The following TTN variants were observed in gnomAD, a reference collection of about 807,000 sequenced individuals.
TTN encodes the protein titin, also known as connectin.
Under a neutral mutation model 3,223.0 loss-of-function variants are expected in TTN, and 1,525 were observed. The ratio of observed to expected loss-of-function variants is 0.47; its 90% confidence interval spans 0.45 to 0.49. The LOEUF (loss-of-function observed/expected upper bound fraction) is 0.49, where lower values mean the gene tolerates loss of function less well. Among genes scored for constraint, TTN ranks in the 20% least tolerant of loss-of-function variants. The pLI is 0.00. For synonymous variants in TTN, 14,094 were observed against 15,161.0 expected (o/e 0.93, Z 5.17); for missense variants, 40,786 against 43,424.0 (o/e 0.94, Z 5.40).
chr2:178,777,128 C>G (rs772831376), intron 27 of TTN, 21 bp downstream of exon 27: 2 of 1,613,958 alleles, frequency 1.2e-6, no homozygotes. Context: ...ATGAGCTTAG[C>G]TTTATTATTT....
intron 86 of TTN, 34 bp downstream of exon 86, chr2:178,717,909 T>C: frequency 6.3e-7 from 1 of 1,583,196 alleles, no homozygotes; most frequent in Non-Finnish European, 8.6e-7. Context: ...AAAATGAATC[T>C]GTTCACACAC....
At position 178,718,512 on chromosome 2, in the gene TTN, A is replaced by T. The variant is rs2154299570; in HGVS notation, c.24594T>A (p.Pro8198=). 6.2e-7 allele frequency: 1 copy of T among 1,613,670 alleles called. No homozygotes were observed. Residue 8198 remains proline, a synonymous_variant, in exon 85 of 363, where the codon CCT becomes CCA. Transcript: ENST00000589042. ...CCTTTATCCAGCTCACTGAGATTGG[A>T]GGTGTGCCAGTGTATGTGGCCTCGA... ...IVLEATYTGT[P]PISVSWIKDE... is the part of the protein sequence containing the mutation.
rs764786030 is a variant in TTN, at chr2:178,547,322, G to T, written c.94220-17C>A. 10 of 1,586,154 alleles carry T rather than the reference G, an allele frequency of 6.3e-6. No homozygotes were observed. The highest frequency in any genetic ancestry group is 8.6e-6 in the Non-Finnish European group (10 of 1,167,736). ...TTGGTGGGACTAAATATAAACAAAG[G>T]TATTAAGTATGAATACAATTTTATA... is the stretch of plus-strand genomic sequence containing the variant. On this transcript the variant is annotated splice_polypyrimidine_tract_variant and intron_variant, in intron 339 of 362. Transcript: ENST00000589042.
At chr2:178,709,480 G>C in intron 99 of TTN, 86 bp downstream of exon 99, 1 of 1,358,242 alleles carries the variant, frequency 7.4e-7, no homozygotes, top group Non-Finnish European at 9.9e-7. Context: ...TAACTTACTT[G>C]GTCAAGATAT....
In TTN at chr2:178,552,081, C is replaced by T. The variant is rs1307577297; in HGVS notation, c.90819G>A (p.Lys30273=). ...TTCTGGCAACACTTGAACACACCAT[C>T]TTCCAGTTAGTTTGTGAAGTTTCCC... ...EKRETSQTNW[K]MVCSSVARTT... The change falls in exon 335 of 363, where the codon AAG becomes AAA. Residue 30273 remains lysine (K), a synonymous_variant. Transcript: ENST00000589042. The T allele has an allele frequency of 6.2e-7, 1 of 1,613,632 alleles. No individual in the cohort carries two copies. The highest frequency in any genetic ancestry group is 8.5e-7 in the Non-Finnish European group (1 of 1,179,760).
In TTN at chr2:178,740,907, A is replaced by G. The variant is rs1203675331; in HGVS notation, c.12326T>C (p.Leu4109Ser). The G allele has an allele frequency of 6.2e-7, 1 of 1,613,800 alleles. No individual in the cohort carries two copies. The highest frequency in any genetic ancestry group is 8.5e-7 in the Non-Finnish European group (1 of 1,179,854). Residue 4109 changes from leucine to serine, a missense_variant, in exon 48 of 363, where the codon TTG (leucine) becomes TCG (serine). By Grantham distance (145) the Leu-to-Ser change is moderately radical (BLOSUM62 -2). Transcript: ENST00000589042. The part of the protein sequence containing the change: ...KANELSSQLP[L>S]GAQELQSILE... ...AATGGATTGCAATTCCTGAGCTCCC[A>G]AAGGAAGCTGACTGCTCAATTCATT...
At chr2:178,676,115 G>T in intron 147 of TTN, 120 bp from the exon 148 acceptor site, 3 of 842,142 alleles carry the variant, frequency 3.6e-6, no homozygotes, top group South Asian at 3.7e-5. Flanking sequence ...GGTCTGTCAT[G>T]TTAGTTGGGA....
chr2:178,722,958 G>A (rs1247535506), intron 75 of TTN, 21 bp from the exon 76 acceptor site: 2 of 1,600,510 alleles, frequency 1.2e-6, no homozygotes, highest in Admixed American at 1.7e-5. Flanking sequence ...AAGGCTCACA[G>A]TTAGCAACTG....
intron 43 of TTN, chr2:178,761,154 C>A (rs1231154964): frequency 6.6e-6 from 1 of 152,250 alleles, no homozygotes; most frequent in Non-Finnish European, 1.5e-5. Flanking sequence ...CAATACCCCA[C>A]TTGTCTCTCC....
chr2:178,738,911 AT>A (rs1410208304), intron 48 of TTN, among the ~76,000 whole-genome samples: 2 of 152,226 alleles, frequency 1.3e-5, no homozygotes, highest in African/African-American at 4.8e-5. Context: ...ATATGAAAAT[AT>A]GTTTTATTTT....
chr2:178,561,797 G>T lies in TTN; in HGVS notation c.84335C>A (p.Thr28112Lys). The change falls in exon 326 of 363, where the codon ACA becomes AAA. Residue 28112 changes from threonine (T) to lysine (K), a missense_variant. Transcript: ENST00000589042. Reference sequence around the variant, plus strand: ...TGTCAGGCGAACTATTTTAATGGATGTTCTTGCAACTGCTTGTGAAACTAT... The same window carrying T: ...TGTCAGGCGAACTATTTTAATGGATTTTCTTGCAACTGCTTGTGAAACTAT... ...WHIVSQAVAR[T>K]SIKIVRLTTG... The T allele has an allele frequency of 6.2e-7, 1 of 1,613,658 alleles. No homozygotes were observed.
chr2:178,566,777 G>T lies in TTN; in HGVS notation c.79355C>A (p.Thr26452Lys), dbSNP rs375061238. 6.2e-7 allele frequency: 1 copy of T among 1,613,220 alleles called. No homozygotes were observed. Among genetic ancestry groups the T allele is most frequent in the African/African-American group, 1.3e-5 (1 of 74,886 alleles). ...CCTGAATTCATACTCATGATCTTCT[G>T]TTAATCCTGTCACTCTTAGACGCAA... ...TDLRLRVTGLTEDHEYEFRVS... is the reference protein window; with the variant it reads ...TDLRLRVTGLKEDHEYEFRVS... The change falls in exon 326 of 363, where the codon ACA becomes AAA. Residue 26452 changes from threonine (T) to lysine (K), a missense_variant. Thr to Lys is a moderately conservative substitution (Grantham distance 78, BLOSUM62 -1). Transcript: ENST00000589042.
At chr2:178,617,073 A>G (rs2057471875) in intron 255 of TTN, 47 bp downstream of exon 255, 3 of 1,611,106 alleles carry the variant, frequency 1.9e-6, no homozygotes, top group Non-Finnish European at 2.5e-6. Context: ...GTTGCCCCAA[A>G]GTAGCTATGT....
rs774379550 is a variant in TTN, at chr2:178,538,598, A to G, written c.99231T>C (p.Asn33077=). The G allele has an allele frequency of 3.7e-6, 6 of 1,613,700 alleles. No homozygotes were observed. In the East Asian group the frequency reaches 1.3e-4, roughly 36 times the overall value. The change falls in exon 354 of 363, where the codon AAT becomes AAC. Residue 33077 remains asparagine (N), a synonymous_variant. Transcript: ENST00000589042. Reference sequence around the variant, plus strand: ...TGCGAGGTCTGCTCAGCCCAGTCTCATTCTCAGCAAAAACCCTGAATTCAT... The same window carrying G: ...TGCGAGGTCTGCTCAGCCCAGTCTCGTTCTCAGCAAAAACCCTGAATTCAT... The part of the protein sequence containing the change: ...TEYEFRVFAE[N]ETGLSRPRRT...
rs766339727 is a variant in TTN, at chr2:178,706,912, T to C, written c.29084A>G (p.Asp9695Gly). 24 of 1,612,322 alleles carry C rather than the reference T, an allele frequency of 1.5e-5. No homozygotes were observed. The South Asian group carries it at 2.6e-4, about 18-fold the overall frequency. The change falls in exon 101 of 363, where the codon GAT becomes GGT. Residue 9695 changes from aspartate (D) to glycine (G), a missense_variant. Transcript: ENST00000589042. ...VAPATKKAAV[D>G]GRLFFVSEPQ... ...TTCTGACACAAAAAAGAGTCTTCCA[T>C]CTACCGCAGCTTTCTTGGTTGCTGG...
intron 117 of TTN, 56 bp from the exon 118 acceptor site, chr2:178,694,064 T>C (rs903703206): frequency 7.4e-7 from 1 of 1,349,420 alleles, no homozygotes. Flanking sequence ...AGACATCAGA[T>C]CAAACACATG....
chr2:178,564,290 T>C lies in TTN; in HGVS notation c.81842A>G (p.Tyr27281Cys), dbSNP rs769303800. The change falls in exon 326 of 363, where the codon TAT (tyrosine) becomes TGT (cysteine). Residue 27281 changes from tyrosine to cysteine, a missense_variant. Tyr to Cys is a radical substitution (Grantham distance 194, BLOSUM62 -2). Coordinates refer to ENST00000589042, the MANE Select transcript of TTN (RefSeq NM_001267550.2). ...TGCATGAACAACGATGACATCTTTATATTTTGGATCCAGAGAGGCATTTGG... is the reference window on the plus strand; with the variant it reads ...TGCATGAACAACGATGACATCTTTACATTTTGGATCCAGAGAGGCATTTGG... ...DAPNASLDPK[Y>C]KDVIVVHAGE... 4.2e-5 allele frequency: 67 copies of C among 1,613,556 alleles called. No individual in the cohort carries two copies. The highest frequency in any genetic ancestry group is 5.2e-5 in the Non-Finnish European group (61 of 1,179,776).
chr2:178,543,097 G>A lies in TTN; in HGVS notation c.96876C>T (p.Val32292=), dbSNP rs757610735. ...TGAGGTCTTGTACAGTCACGGCTGT[G>A]ACAGTCTCTCTTGGTTCTGACACAC... ...EKGVSEPRET[V]TAVTVQDLRV... is the part of the protein sequence containing the mutation. The change falls in exon 347 of 363, where the codon GTC becomes GTT. Residue 32292 remains valine (V), a synonymous_variant. Transcript: ENST00000589042. 1 of 1,598,864 alleles carries A rather than the reference G, an allele frequency of 6.3e-7. No homozygotes were observed. Among genetic ancestry groups the A allele is most frequent in the Non-Finnish European group, 8.5e-7 (1 of 1,170,260 alleles).
intron 88 of TTN, among the ~76,000 whole-genome samples, chr2:178,716,743 C>G (rs576000274): frequency 6.6e-6 from 1 of 152,214 alleles, no homozygotes; most frequent in South Asian, 2.1e-4. Flanking sequence ...CATTCATTTA[C>G]TAAGTACTGT....
Sources: gnomAD v4.1 joint callset for allele counts (sites outside exome capture counted in the v4.1 genomes callset) on GRCh38, gnomAD v4.1.1 for gene constraint, MANE v1.5 for transcripts, NCBI Gene and HGNC (gene_info 2026-07-23, HGNC 2026-07-21) for gene names.